The following SEC14L1 variants were observed in gnomAD, a reference collection of about 807,000 sequenced individuals.
SEC14L1 encodes SEC14 like lipid binding 1.
Under a neutral mutation model 85.3 loss-of-function variants are expected in SEC14L1, and 48 were observed. The observed-to-expected ratio is 0.56, with a 90% CI of 0.45 to 0.72. SEC14L1 has a LOEUF of 0.72. Among genes scored for constraint, SEC14L1 ranks in the 30% least tolerant of loss-of-function variants. The pLI, the probability that SEC14L1 is intolerant of heterozygous loss-of-function variation, is 0.00. For missense variants in SEC14L1, 682 were observed against 921.4 expected (o/e 0.74, Z 3.36); for synonymous variants, 391 against 355.5 (o/e 1.10, Z -1.12).
intron 3 of SEC14L1, chr17:77,185,203 G>A: frequency 1.0e-6 from 1 of 985,388 alleles, no homozygotes; most frequent in African/African-American, 1.7e-5. Context: ...TCTCTGCCCT[G>A]CAGCCTAGCA....
chr17:77,207,429 C>T (rs7211252), intron 13 of SEC14L1, among the ~76,000 whole-genome samples: 4,814 of 151,690 alleles, frequency 0.032, 254 homozygotes, highest in African/African-American at 0.11. Flanking sequence ...CACTATTTTG[C>T]CCCAGACTGG....
At chr17:77,175,121 CAA>C (rs777294251) in intron 3 of SEC14L1, among the ~76,000 whole-genome samples, 17 of 152,182 alleles carry the variant, frequency 1.1e-4, no homozygotes, top group African/African-American at 1.7e-4. Context: ...AGGCCAGAAA[CAA>C]GAGAGTATAA....
chr17:77,131,321 G>A (rs1972604235), intron 3 of SEC14L1, among the ~76,000 whole-genome samples: 1 of 152,196 alleles, frequency 6.6e-6, no homozygotes, highest in South Asian at 2.1e-4. Context: ...CCAGGCTGGA[G>A]TGCAATGGCG....
At chr17:77,099,697 A>G (rs1458929640) in intron 3 of SEC14L1, among the ~76,000 whole-genome samples, 1 of 152,200 alleles carries the variant, frequency 6.6e-6, no homozygotes, top group East Asian at 1.9e-4. Context: ...TGGAGGTTGC[A>G]GTGAGCTGAG....
At chr17:77,095,293 A>G (rs113884331) in intron 3 of SEC14L1, among the ~76,000 whole-genome samples, 89 of 152,288 alleles carry the variant, frequency 5.8e-4, no homozygotes, top group Non-Finnish European at 1.1e-3. Flanking sequence ...CCAAGAGGTC[A>G]TTGTTGGTCT....
chr17:77,143,997 G>T, intron 3 of SEC14L1: 1 of 222,242 alleles, frequency 4.5e-6, no homozygotes, highest in Non-Finnish European at 9.0e-6. Flanking sequence ...CATGGAGTGT[G>T]GTCTTTGCTG....
In SEC14L1 at chr17:77,168,160, G is replaced by A. The variant is rs527636271; in HGVS notation, c.64-22643G>A. On this transcript the variant is annotated intron_variant, in intron 3 of 16. Coordinates refer to ENST00000436233, the MANE Select transcript of SEC14L1 (RefSeq NM_001143998.2). ...GGCATGTCGGGCCACAAGCGTGGGA[G>A]GGTTGTTCGGAGGCTAGAAACAAGG... is the stretch of plus-strand genomic sequence containing the variant. Among the ~76,000 whole-genome samples the A allele has an allele frequency of 2.0e-5, 3 of 152,316 alleles. No individual in the cohort carries two copies. The South Asian group carries it at 6.2e-4, about 32-fold the overall frequency.
rs568970351 is a variant in SEC14L1 at position 77,108,380 on chromosome 17, C to T, written c.-136+15033C>T. 1.3e-3 allele frequency among the ~76,000 whole-genome samples: 192 copies of T among 152,218 alleles called. 4 individuals carry two copies. In the Middle Eastern group the frequency reaches 0.02, roughly 16 times the overall value. On this transcript the variant is annotated intron_variant, in intron 3 of 19. Transcript: ENST00000392476. ...GTTGGGAGGTGGCAGCCCTATGGTTCGTGTGGGTTCTTCCCACAGGTAACT... is the reference window on the plus strand; with the variant it reads ...GTTGGGAGGTGGCAGCCCTATGGTTTGTGTGGGTTCTTCCCACAGGTAACT...
In SEC14L1 at chr17:77,108,600, A is replaced by G. The variant is rs116854074; in HGVS notation, c.-136+15253A>G. 3.9e-3 allele frequency among the ~76,000 whole-genome samples: 586 copies of G among 151,982 alleles called. 1 individual carries two copies. Among genetic ancestry groups the G allele is most frequent in the Middle Eastern group, 6.8e-3 (2 of 294 alleles). On this transcript the variant is annotated intron_variant, in intron 3 of 19. Coordinates refer to the SEC14L1 transcript ENST00000392476. ...AAAAATACAAAAATATTAGCCAGTC[A>G]TGGTGGTGCATGCCTGTAGTCTGGG...
At position 77,091,674 on chromosome 17, in the gene SEC14L1, G is replaced by A. The variant is rs534436615; in HGVS notation, c.-239-1570G>A. On this transcript the variant is annotated intron_variant, in intron 2 of 19. Transcript: ENST00000392476. ...TTAGAGGGAGCAGTGCCACCTTTCC[G>A]GGAGTCGTGGCACACAGAACCCTTT... Among the ~76,000 whole-genome samples, 11 of 152,238 alleles carry A rather than the reference G, an allele frequency of 7.2e-5. No homozygotes were observed. The South Asian group carries it at 8.3e-4, about 11-fold the overall frequency.
chr17:77,139,920 G>A (rs1159382302), upstream of SEC14L1, among the ~76,000 whole-genome samples: 2 of 152,234 alleles, frequency 1.3e-5, no homozygotes, highest in Non-Finnish European at 2.9e-5. Flanking sequence ...GGCCATGAAT[G>A]ATTTGCTTGT....
At chr17:77,205,910 G>A (rs182504276) in intron 11 of SEC14L1, among the ~76,000 whole-genome samples, 14 of 152,246 alleles carry the variant, frequency 9.2e-5, no homozygotes, top group Non-Finnish European at 1.5e-4. Context: ...TGGCAGGTTG[G>A]GGGGTGGTTT....
At position 77,116,256 on chromosome 17, in the gene SEC14L1, T is replaced by C. The variant is rs142140295; in HGVS notation, c.-136+22909T>C. 9.9e-4 allele frequency among the ~76,000 whole-genome samples: 151 copies of C among 152,294 alleles called. 1 individual carries two copies. In the South Asian group the frequency reaches 0.013, roughly 13 times the overall value. On this transcript the variant is annotated intron_variant, in intron 3 of 19. Transcript: ENST00000392476. ...TTTTAAATGCTGTAAAAATTCACATTGATTTAAACGTTTTAGGGGTCTTTG... is the reference window on the plus strand; with the variant it reads ...TTTTAAATGCTGTAAAAATTCACATCGATTTAAACGTTTTAGGGGTCTTTG...
chr17:77,164,609 A>G (rs370852284), intron 3 of SEC14L1, among the ~76,000 whole-genome samples: 1 of 152,192 alleles, frequency 6.6e-6, no homozygotes, highest in Non-Finnish European at 1.5e-5. Context: ...TTGCTCTGCC[A>G]TATGCCTCCC....
chr17:77,213,436 T>C lies in SEC14L1; in HGVS notation c.1986T>C (p.Ser662=), dbSNP rs988351162. The change falls in exon 16 of 17, where the codon TCT becomes TCC. Residue 662 remains serine (S), a synonymous_variant. Transcript: ENST00000436233. The surrounding 1 kb of genome is among the most constrained non-coding windows in gnomAD (Gnocchi z 7.1). ...VDDVLASLQV[S]SHKCKVMYYT... ...ACGTGCTTGCGTCCCTGCAGGTCTCTTCGCACAAGTGTAAAGTGATGTACT... is the reference window on the plus strand; with the variant it reads ...ACGTGCTTGCGTCCCTGCAGGTCTCCTCGCACAAGTGTAAAGTGATGTACT... 2.5e-6 allele frequency: 4 copies of C among 1,612,906 alleles called. No individual in the cohort carries two copies. Among genetic ancestry groups the C allele is most frequent in the African/African-American group, 1.3e-5 (1 of 74,950 alleles).
intron 3 of SEC14L1, among the ~76,000 whole-genome samples, chr17:77,100,412 C>CT (rs1567868320): frequency 0.051 from 3,809 of 74,968 alleles, 204 homozygotes; most frequent in East Asian, 0.11. Context: ...TTTTTCTTTT[C>CT]TTTCTCTCTC....
At chr17:77,111,935 G>A (rs1456321359) in intron 3 of SEC14L1, among the ~76,000 whole-genome samples, 1 of 152,104 alleles carries the variant, frequency 6.6e-6, no homozygotes, top group Non-Finnish European at 1.5e-5. Context: ...AGGGGCCAGG[G>A]GCAGAATGAT....
chr17:77,129,738 G>A (rs1325570558), intron 3 of SEC14L1, among the ~76,000 whole-genome samples: 1 of 152,120 alleles, frequency 6.6e-6, no homozygotes, highest in Non-Finnish European at 1.5e-5. Context: ...TTAACTAAAT[G>A]GATTGAGGCT....
chr17:77,196,211 A>T lies in SEC14L1; in HGVS notation c.719A>T (p.Asp240Val). ...GTCACTTACATTCCAGACAAACTAG[A>T]TGCCGACTACATCAAGAGATACCTG... Reference protein sequence around the residue: ...PVVGTPDDKLDADYIKRYLGD... With the variant: ...PVVGTPDDKLVADYIKRYLGD... Residue 240 changes from aspartate to valine, a missense_variant, in exon 8 of 17, where the codon GAT becomes GTT. Asp to Val is a radical substitution (Grantham distance 152, BLOSUM62 -3). This residue lies in a region of SEC14L1 where 123 missense variants were observed against 100.6 expected (regional missense o/e 1.22). Coordinates refer to ENST00000436233, the MANE Select transcript of SEC14L1 (RefSeq NM_001143998.2). 6.2e-7 allele frequency: 1 copy of T among 1,613,474 alleles called. No homozygotes were observed.
Sources: gnomAD v4.1 joint callset for allele counts (sites outside exome capture counted in the v4.1 genomes callset) on GRCh38, gnomAD v4.1.1 for gene constraint, gnomAD v4.1.1 regional missense constraint, Gnocchi (gnomAD v3.1) non-coding constraint, MANE v1.5 for transcripts, NCBI Gene and HGNC (gene_info 2026-07-23, HGNC 2026-07-21) for gene names.